BICRA: variants seen among roughly 807,000 people sequenced by gnomAD.
BICRA encodes BRD4-interacting chromatin-remodeling complex-associated protein.
A neutral mutation model predicts 96.9 loss-of-function variants in BICRA; 31 were observed. The observed-to-expected ratio is 0.32, with a 90% CI of 0.24 to 0.43. The LOEUF (loss-of-function observed/expected upper bound fraction) is 0.43. BICRA is among the 20% of genes least tolerant of loss of function. The probability of loss-of-function intolerance (pLI) is 1.00; values close to 1 mark genes in which losing one functional copy is unlikely to be tolerated. For missense variants in BICRA, 2,283 were observed against 2,190.3 expected (o/e 1.04, Z -0.84); for synonymous variants, 1,350 against 1,071.8 (o/e 1.26, Z -5.07).
chr19:47,696,578 C>T (rs1973347166), intron 11 of BICRA, 66 bp downstream of exon 11: 10 of 1,461,950 alleles, frequency 6.8e-6, no homozygotes, highest in Admixed American at 6.3e-5. Flanking sequence ...GAGCATGGGG[C>T]CACCCTCCAG....
intron 1 of BICRA, among the ~76,000 whole-genome samples, chr19:47,651,759 C>T (rs563464457): frequency 2.6e-5 from 4 of 152,286 alleles, no homozygotes; most frequent in East Asian, 3.9e-4. Context: ...CTCCAGGCAA[C>T]GAGCACGAGA....
Position 47,639,488 on chromosome 19 carries a change from C to A in BICRA, c.-108+30320C>A, listed in dbSNP as rs1351279803. 5.7e-4 allele frequency among the ~76,000 whole-genome samples: 86 copies of A among 151,384 alleles called. 1 individual carries two copies. The highest frequency in any genetic ancestry group is 2.1e-4 in the Non-Finnish European group (14 of 67,894). ...ACTACAGGCGCCCGCTACTACACACCAGGCTAATTTTTTAGTATTTTTAGT... is the reference window on the plus strand; with the variant it reads ...ACTACAGGCGCCCGCTACTACACACAAGGCTAATTTTTTAGTATTTTTAGT... On this transcript the variant is annotated intron_variant, in intron 1 of 14. Transcript: ENST00000594866.
chr19:47,679,960 G>A lies in BICRA; in HGVS notation c.790G>A (p.Ala264Thr). 1 of 1,491,686 alleles carries A rather than the reference G, an allele frequency of 6.7e-7. No individual in the cohort carries two copies. Among genetic ancestry groups the A allele is most frequent in the Middle Eastern group, 1.9e-4 (1 of 5,228 alleles). 92.4% of individuals were successfully genotyped at this position (1,491,686 alleles called of 1,614,324 possible). A position where few individuals can be genotyped will look rare whatever the true frequency, so the allele number is the denominator to read the frequency against. ...GCAGGTGCCCGTCAGCGGCTACCTG[G>A]CCTCGGCGGCTGGCCCCTCGGAGCC... ...AKQVPVSGYL[A>T]SAAGPSEPVT... The change falls in exon 6 of 15, where the codon GCC (alanine) becomes ACC (threonine). Residue 264 changes from alanine (A) to threonine (T), a missense_variant. Physicochemically the swap from Ala to Thr is moderately conservative, Grantham distance 58. Transcript: ENST00000594866.
Position 47,702,041 on chromosome 19 carries a change from G to A in BICRA, c.4309G>A (p.Asp1437Asn), listed in dbSNP as rs1197395894. The A allele has an allele frequency of 4.0e-6, 6 of 1,496,172 alleles. No individual in the cohort carries two copies. The highest frequency in any genetic ancestry group is 5.3e-6 in the Non-Finnish European group (6 of 1,131,732). 92.7% of individuals were successfully genotyped at this position (1,496,172 alleles called of 1,614,324 possible). Residue 1437 changes from aspartate to asparagine, a missense_variant, in exon 15 of 15, where the codon GAC (aspartate) becomes AAC (asparagine). Physicochemically the swap from Asp to Asn is conservative, Grantham distance 23. Transcript: ENST00000594866. The stretch of plus-strand genomic sequence containing the variant: ...CATCCGCGAGCTGGCGGCCGTGGAG[G>A]ACGAGCTGTACCAGCGTATGCTGAA... ...GLIRELAAVE[D>N]ELYQRMLKGP...
Position 47,701,769 on chromosome 19 carries a change from C to A in BICRA, c.4037C>A (p.Pro1346Gln). 2 of 1,538,334 alleles carry A rather than the reference C, an allele frequency of 1.3e-6. No homozygotes were observed. Among genetic ancestry groups the A allele is most frequent in the Non-Finnish European group, 8.8e-7 (1 of 1,141,458 alleles). The change falls in exon 15 of 15, where the codon CCG becomes CAG. Residue 1346 changes from proline to glutamine, a missense_variant. Transcript: ENST00000594866. This position sits in a 1 kb window ranked among gnomAD's most constrained non-coding sequence, Gnocchi z 5.4. The stretch of plus-strand genomic sequence containing the variant: ...GCTACCCTCAAGGTGGCCGAGCCCC[C>A]GCCACGGCCGCCACCACCACCGCCG... ...PPATLKVAEP[P>Q]PRPPPPPPPT... is the part of the protein sequence containing the mutation.
intron 1 of BICRA, among the ~76,000 whole-genome samples, chr19:47,649,330 G>A (rs145074713): frequency 3.3e-5 from 5 of 152,268 alleles, no homozygotes; most frequent in Admixed American, 1.3e-4. Flanking sequence ...TTATTTGTGA[G>A]CGCTGTTATA....
chr19:47,627,809 G>T (rs1972162547), intron 1 of BICRA, among the ~76,000 whole-genome samples: 1 of 152,090 alleles, frequency 6.6e-6, no homozygotes, highest in African/African-American at 2.4e-5. Flanking sequence ...TTGCTCTGTT[G>T]CCCAGGCTGG....
At chr19:47,634,522 T>C (rs1220417759) in intron 1 of BICRA, among the ~76,000 whole-genome samples, 23 of 152,286 alleles carry the variant, frequency 1.5e-4, no homozygotes, top group Non-Finnish European at 2.9e-5. Context: ...TGTACCACTT[T>C]GCGAAACTCA....
Position 47,679,599 on chromosome 19 carries a change from G to A in BICRA, c.429G>A (p.Pro143=), listed in dbSNP as rs946664218. 6 of 1,531,280 alleles carry A rather than the reference G, an allele frequency of 3.9e-6. No individual in the cohort carries two copies. The highest frequency in any genetic ancestry group is 2.8e-5 in the African/African-American group (2 of 72,362). 94.9% of individuals were successfully genotyped at this position (1,531,280 alleles called of 1,614,324 possible). Residue 143 remains proline (P), a synonymous_variant, in exon 6 of 15, where the codon CCG becomes CCA. Transcript: ENST00000594866. ...TLQPADGGAG[P]TGAGGAAAVA... ...AGCCTGCGGATGGCGGGGCAGGCCCGACGGGCGCTGGAGGGGCAGCGGCCG... is the reference window on the plus strand; with the variant it reads ...AGCCTGCGGATGGCGGGGCAGGCCCAACGGGCGCTGGAGGGGCAGCGGCCG...
chr19:47,685,520 T>C (rs1973131388), intron 7 of BICRA, among the ~76,000 whole-genome samples: 1 of 152,036 alleles, frequency 6.6e-6, no homozygotes, highest in African/African-American at 2.4e-5. Context: ...CATGGGTGGG[T>C]GTGTGACTGG....
In BICRA at chr19:47,680,168, C is replaced by T. The variant is rs1020829922; in HGVS notation, c.998C>T (p.Ser333Leu). The change falls in exon 6 of 15, where the codon TCG becomes TTG. Residue 333 changes from serine to leucine, a missense_variant. Ser to Leu is a moderately radical substitution (Grantham distance 145). Coordinates refer to ENST00000594866, the MANE Select transcript of BICRA (RefSeq NM_001394372.1). ...QPLAVAPGLG[S>L]SPLVPAPNVI... ...CTGGCGGTGGCCCCAGGCCTCGGCTCGTCGCCACTGGTCCCGGCGCCCAAC... is the reference window on the plus strand; with the variant it reads ...CTGGCGGTGGCCCCAGGCCTCGGCTTGTCGCCACTGGTCCCGGCGCCCAAC... 10 of 1,535,618 alleles carry T rather than the reference C, an allele frequency of 6.5e-6. No individual in the cohort carries two copies. The highest frequency in any genetic ancestry group is 2.8e-5 in the African/African-American group (2 of 71,852).
intron 1 of BICRA, among the ~76,000 whole-genome samples, chr19:47,659,443 AG>A (rs1972670154): frequency 6.6e-6 from 1 of 152,152 alleles, no homozygotes; most frequent in African/African-American, 2.4e-5. Flanking sequence ...TCCAGGGCCC[AG>A]CCAGCTCTTA....
chr19:47,694,322 C>A lies in BICRA; in HGVS notation c.2491C>A (p.Leu831Met). ...CCCCCCACCCCAGGCCCCCCCAACT[C>A]TGCCTGGCATCTTTGTCATCCAAAA... The part of the protein sequence containing the change: ...PCPPPQAPPT[L>M]PGIFVIQNQL... The change falls in exon 8 of 15, where the codon CTG (leucine) becomes ATG (methionine). Residue 831 changes from leucine (L) to methionine (M), a missense_variant. By Grantham distance (15) the Leu-to-Met change is conservative. Coordinates refer to ENST00000594866, the MANE Select transcript of BICRA (RefSeq NM_001394372.1). 1.8e-6 allele frequency: 2 copies of A among 1,135,332 alleles called. No homozygotes were observed. Among genetic ancestry groups the A allele is most frequent in the African/African-American group, 1.6e-5 (1 of 61,858 alleles). The allele number at this position is 1,135,332 out of a possible 1,614,324, so 70.3% of individuals were successfully genotyped here.
At chr19:47,641,001 G>A (rs1022798590) in intron 1 of BICRA, among the ~76,000 whole-genome samples, 4 of 147,234 alleles carry the variant, frequency 2.7e-5, no homozygotes, top group Non-Finnish European at 4.4e-5. Context: ...CCGGGTTCAA[G>A]CGATTCTCCT....
intron 1 of BICRA, among the ~76,000 whole-genome samples, chr19:47,637,881 A>G (rs1331808837): frequency 1.3e-5 from 2 of 152,064 alleles, no homozygotes; most frequent in Non-Finnish European, 2.9e-5. Context: ...ATTCCTTTTT[A>G]TGGCTGAATA....
chr19:47,610,234 TC>T (rs1303912052), intron 1 of BICRA, among the ~76,000 whole-genome samples: 2 of 152,274 alleles, frequency 1.3e-5, no homozygotes, highest in East Asian at 3.9e-4. Context: ...CATCTGGTTT[TC>T]CCATCCCTGG....
At chr19:47,611,235 C>T (rs181750451) in intron 1 of BICRA, among the ~76,000 whole-genome samples, 6 of 152,156 alleles carry the variant, frequency 3.9e-5, no homozygotes, top group African/African-American at 7.2e-5. Flanking sequence ...GGACCTGGTT[C>T]GGAAATGTAG....
intron 7 of BICRA, among the ~76,000 whole-genome samples, chr19:47,685,774 TGTGTGTGTGTGTGCGC>T (rs1028464508): frequency 9.7e-5 from 13 of 134,114 alleles, no homozygotes; most frequent in East Asian, 8.0e-4. Context: ...TGTGTGTGTG[TGTGTGTGTGTGTGCGC>T]GCGCGCGCGC....
At chr19:47,642,169 G>A (rs541887604) in intron 1 of BICRA, among the ~76,000 whole-genome samples, 2 of 152,344 alleles carry the variant, frequency 1.3e-5, no homozygotes, top group African/African-American at 4.8e-5. Flanking sequence ...TCTATGTTAT[G>A]TGTACCAGTA....
Sources: gnomAD v4.1 joint callset for allele counts (sites outside exome capture counted in the v4.1 genomes callset) on GRCh38, gnomAD v4.1.1 for gene constraint, Gnocchi (gnomAD v3.1) non-coding constraint, MANE v1.5 for transcripts, NCBI Gene and HGNC (gene_info 2026-07-23, HGNC 2026-07-21) for gene names.